Variants in MAP3K13 observed in about 807,000 individuals in gnomAD.
MAP3K13 encodes the protein leucine zipper-bearing kinase.
In MAP3K13, 52 loss-of-function variants were observed where a neutral mutation model predicts 104.0. The observed-to-expected ratio is 0.50, with a 90% CI of 0.40 to 0.63. The LOEUF is 0.63. Ranked by LOEUF, MAP3K13 falls within the 20% of genes least tolerant of loss-of-function variation. The pLI is 0.00. For missense variants in MAP3K13, 914 were observed against 1,218.5 expected (o/e 0.75, Z 3.72); for synonymous variants, 394 against 442.2 (o/e 0.89, Z 1.37).
At chr3:185,308,161 A>T (rs192616773) in intron 2 of MAP3K13, among the ~76,000 whole-genome samples, 3 of 152,166 alleles carry the variant, frequency 2.0e-5, no homozygotes, top group Admixed American at 2.0e-4. Context: ...TACAGGGAGG[A>T]AGAGATGTTA....
At chr3:185,346,549 C>A (rs1233719136) in intron 2 of MAP3K13, among the ~76,000 whole-genome samples, 1 of 152,024 alleles carries the variant, frequency 6.6e-6, no homozygotes, top group East Asian at 1.9e-4. Flanking sequence ...TTATTTAATA[C>A]CTTCCATTGT....
At position 185,473,100 on chromosome 3, in the gene MAP3K13, AC is replaced by A; in HGVS notation, c.1771del (p.Arg591AlafsTer16). On this transcript the variant is annotated frameshift_variant, in exon 11 of 14. Transcript: ENST00000265026. LOFTEE classifies it high-confidence loss of function. This position sits in a 1 kb window ranked among gnomAD's most constrained non-coding sequence, Gnocchi z 4.9. ...SKSRYRSKPR[H>X]RRGNSRGSHS... Reference sequence around the variant, plus strand: ...AGCCGATATCGAAGCAAACCACGCCACCGCCGAGGGAATAGCAGAGGCAGCC... The same window carrying A: ...AGCCGATATCGAAGCAAACCACGCCACGCCGAGGGAATAGCAGAGGCAGCC... The A allele has an allele frequency of 6.2e-7, 1 of 1,614,128 alleles. No individual in the cohort carries two copies. Among genetic ancestry groups the A allele is most frequent in the Non-Finnish European group, 8.5e-7 (1 of 1,180,018 alleles).
At chr3:185,314,024 A>G (rs1721589459) in intron 2 of MAP3K13, among the ~76,000 whole-genome samples, 1 of 152,218 alleles carries the variant, frequency 6.6e-6, no homozygotes. Context: ...AGATTTTCTA[A>G]GAGATCCAGA....
intron 1 of MAP3K13, among the ~76,000 whole-genome samples, chr3:185,407,648 T>G (rs989117176): frequency 5.9e-5 from 9 of 152,172 alleles, no homozygotes; most frequent in Non-Finnish European, 1.2e-4. Flanking sequence ...GAGTGCGTTT[T>G]GCCAATTTCA....
At chr3:185,399,448 CA>C (rs1474157901) in intron 1 of MAP3K13, among the ~76,000 whole-genome samples, 3 of 151,144 alleles carry the variant, frequency 2.0e-5, no homozygotes, top group Non-Finnish European at 4.4e-5. Context: ...ACTAAAGATA[CA>C]AAAAAAATTT....
intron 2 of MAP3K13, among the ~76,000 whole-genome samples, chr3:185,312,558 T>C (rs946025349): frequency 8.5e-5 from 13 of 152,348 alleles, no homozygotes; most frequent in Non-Finnish European, 7.3e-5. Context: ...TTTCCCACTT[T>C]GTGCTGCCCT....
intron 1 of MAP3K13, among the ~76,000 whole-genome samples, chr3:185,363,805 A>AT (rs1723748144): frequency 6.6e-6 from 1 of 152,094 alleles, no homozygotes; most frequent in African/African-American, 2.4e-5. Flanking sequence ...GCCGTTCCTC[A>AT]CCCTTCACCT....
intron 2 of MAP3K13, among the ~76,000 whole-genome samples, chr3:185,303,803 C>G (rs1012463661): frequency 5.3e-5 from 8 of 151,268 alleles, no homozygotes; most frequent in African/African-American, 1.7e-4. Flanking sequence ...TATTATTTTT[C>G]TATCCTCTAT....
intron 2 of MAP3K13, among the ~76,000 whole-genome samples, chr3:185,347,122 G>C (rs1045606415): frequency 6.6e-6 from 1 of 151,714 alleles, no homozygotes; most frequent in Non-Finnish European, 1.5e-5. Flanking sequence ...GAGTAGCTGG[G>C]ATTACAGGTG....
At chr3:185,362,718 G>A (rs891371387), upstream of MAP3K13, among the ~76,000 whole-genome samples, 1 of 152,148 alleles carries the variant, frequency 6.6e-6, no homozygotes, top group Non-Finnish European at 1.5e-5. Context: ...TAGTCTGCTA[G>A]TTTTAGAAAT....
At chr3:185,332,840 C>T (rs1222880772) in intron 2 of MAP3K13, among the ~76,000 whole-genome samples, 1 of 152,192 alleles carries the variant, frequency 6.6e-6, no homozygotes, top group Non-Finnish European at 1.5e-5. Flanking sequence ...CGAATAAGGC[C>T]TCTGTGAACA....
chr3:185,291,881 G>C, intron 2 of MAP3K13: 1 of 1,115,332 alleles, frequency 9.0e-7, no homozygotes. Flanking sequence ...CTTTAGACTA[G>C]AGCCAAGGAG....
At chr3:185,309,408 G>C (rs976515969) in intron 2 of MAP3K13, among the ~76,000 whole-genome samples, 30 of 151,982 alleles carry the variant, frequency 2.0e-4, no homozygotes, top group African/African-American at 5.3e-4. Flanking sequence ...TACTCCAGAG[G>C]CTGGGAGGTG....
intron 1 of MAP3K13, among the ~76,000 whole-genome samples, chr3:185,386,121 A>C (rs1262051409): frequency 6.6e-6 from 1 of 152,220 alleles, no homozygotes; most frequent in Non-Finnish European, 1.5e-5. Flanking sequence ...CAGAATAAAC[A>C]GACAATCTAC....
Position 185,363,339 on chromosome 3 carries a change from G to T in MAP3K13, c.-115G>T, listed in dbSNP as rs985120521. On this transcript the variant is annotated 5_prime_UTR_variant, in exon 1 of 14. An upstream open reading frame in the 5' UTR gains an earlier in-frame stop. Transcript: ENST00000265026. ...TACATCTTTTCAAAGCAAGAAAATG[G>T]AACAGCATGTGTAGGAATTCTTCGT... is the stretch of plus-strand genomic sequence containing the variant. The T allele has an allele frequency of 7.1e-6, 7 of 985,226 alleles. No homozygotes were observed. The African/African-American group carries it at 1.2e-4, about 17-fold the overall frequency. 61.0% of individuals were successfully genotyped at this position (985,226 alleles called of 1,614,324 possible).
intron 1 of MAP3K13, among the ~76,000 whole-genome samples, chr3:185,422,112 G>A (rs1052677358): frequency 6.6e-6 from 1 of 152,204 alleles, no homozygotes; most frequent in Non-Finnish European, 1.5e-5. Context: ...GTGGATAGGC[G>A]CAGGGTCACC....
rs1017382839 is a variant in MAP3K13, at chr3:185,329,030, C to T, written c.-86+43387C>T. 3.2e-5 allele frequency: 16 copies of T among 495,010 alleles called. No individual in the cohort carries two copies. The Middle Eastern group carries it at 3.7e-3, about 115-fold the overall frequency. 30.7% of individuals were successfully genotyped at this position (495,010 alleles called of 1,614,324 possible). On this transcript the variant is annotated intron_variant, in intron 2 of 14. Transcript: ENST00000424227. The stretch of plus-strand genomic sequence containing the variant: ...ATAAAAAGGATTGTAAGAATAATTT[C>T]CATCAAAGATTAAATCAAGTTTCTA...
chr3:185,466,463 G>A (rs989419380), intron 9 of MAP3K13, among the ~76,000 whole-genome samples: 8 of 133,374 alleles, frequency 6.0e-5, no homozygotes, highest in East Asian at 5.0e-4. Context: ...TGCAACCTCC[G>A]CCTCCCGGAT....
At chr3:185,383,445 C>T (rs1359484775) in intron 1 of MAP3K13, among the ~76,000 whole-genome samples, 3 of 151,686 alleles carry the variant, frequency 2.0e-5, no homozygotes, top group Non-Finnish European at 4.4e-5. Flanking sequence ...ACCTGTAGTC[C>T]CAGCTACTCG....
Sources: allele counts gnomAD v4.1 joint callset (sites outside exome capture counted in the v4.1 genomes callset), GRCh38; gene constraint gnomAD v4.1.1; non-coding constraint Gnocchi (gnomAD v3.1); transcripts MANE v1.5; gene names NCBI Gene and HGNC (gene_info 2026-07-23, HGNC 2026-07-21).